PHACTR4: variants seen among roughly 807,000 people sequenced by gnomAD.
PHACTR4 encodes protein phosphatase 1, regulatory subunit 124.
PHACTR4 carries 51 observed loss-of-function variants against 72.7 expected under a neutral mutation model. The observed-to-expected ratio is 0.70, with a 90% CI of 0.56 to 0.89. PHACTR4 has a LOEUF of 0.89. Ranked by LOEUF, PHACTR4 falls within the 40% of genes least tolerant of loss-of-function variation. PHACTR4 has a pLI of 0.00. For synonymous variants in PHACTR4, 255 were observed against 302.5 expected (o/e 0.84, Z 1.63); for missense variants, 731 against 861.8 (o/e 0.85, Z 1.90).
rs147577214 is a variant in PHACTR4, at chr1:28,452,090, A to G, written c.17-6995A>G. On this transcript the variant is annotated intron_variant, in intron 2 of 13. Coordinates refer to ENST00000373839, the MANE Select transcript of PHACTR4 (RefSeq NM_001048183.3). ...GAATATACTTAAAAGAACTCTTAGAATCCAGATTACAGTTGACCTTTAAAC... is the reference window on the plus strand; with the variant it reads ...GAATATACTTAAAAGAACTCTTAGAGTCCAGATTACAGTTGACCTTTAAAC... 2.0e-5 allele frequency among the ~76,000 whole-genome samples: 3 copies of G among 152,292 alleles called. No individual in the cohort carries two copies. The East Asian group carries it at 5.8e-4, about 29-fold the overall frequency.
At chr1:28,438,080 A>G in intron 2 of PHACTR4, 5 of 994,500 alleles carry the variant, frequency 5.0e-6, no homozygotes, top group Non-Finnish European at 6.0e-6. Context: ...CAGCAGCCAG[A>G]ATGTGGTTGG....
intron 6 of PHACTR4, 80 bp downstream of exon 6, chr1:28,466,848 A>T: frequency 6.7e-7 from 1 of 1,503,204 alleles, no homozygotes; most frequent in South Asian, 1.3e-5. Flanking sequence ...CTGGTACAAC[A>T]TTGATTTGGT....
chr1:28,448,761 CAAAAA>C (rs777343479), intron 2 of PHACTR4, among the ~76,000 whole-genome samples: 1 of 20,352 alleles, frequency 4.9e-5, no homozygotes, highest in Non-Finnish European at 8.5e-5. Flanking sequence ...GACTCCATCT[CAAAAA>C]AAAAAAAAAA....
intron 1 of PHACTR4, among the ~76,000 whole-genome samples, chr1:28,405,452 G>A (rs934315503): frequency 6.6e-6 from 1 of 151,706 alleles, no homozygotes; most frequent in African/African-American, 2.4e-5. Flanking sequence ...TCAGCCTCCT[G>A]AGTAGCTGGG....
intron 2 of PHACTR4, among the ~76,000 whole-genome samples, chr1:28,440,488 C>T (rs1359216759): frequency 2.8e-5 from 4 of 144,630 alleles, no homozygotes; most frequent in African/African-American, 7.7e-5. Context: ...CTCCGCCTCC[C>T]GGGTTCACGC....
chr1:28,430,748 A>G (rs377108574), intron 2 of PHACTR4, among the ~76,000 whole-genome samples: 62 of 152,332 alleles, frequency 4.1e-4, no homozygotes, highest in South Asian at 2.9e-3. Context: ...AGTATGCTGA[A>G]TTAAGCTGAG....
chr1:28,383,603 T>A (rs1305767122), intron 1 of PHACTR4, among the ~76,000 whole-genome samples: 3 of 152,154 alleles, frequency 2.0e-5, no homozygotes, highest in African/African-American at 7.2e-5. Flanking sequence ...TTTGTGTGTG[T>A]GTGTGTAGCA....
intron 8 of PHACTR4, among the ~76,000 whole-genome samples, chr1:28,478,035 GTC>G (rs1490528168): frequency 6.6e-6 from 1 of 151,848 alleles, no homozygotes; most frequent in Admixed American, 6.6e-5. Flanking sequence ...CCATTAACCA[GTC>G]TCTCTCTCCC....
rs1485381291 is a variant in PHACTR4, at chr1:28,465,747, G to C, written c.334G>C (p.Gly112Arg). 1 of 1,613,962 alleles carries C rather than the reference G, an allele frequency of 6.2e-7. No individual in the cohort carries two copies. The highest frequency in any genetic ancestry group is 8.5e-7 in the Non-Finnish European group (1 of 1,179,986). ...AAAGAATGGCCATACCACCCCCATA[G>C]GGAATGCCAGATCATCTAGTCCAGT... is the stretch of plus-strand genomic sequence containing the variant. ...MLKNGHTTPI[G>R]NARSSSPVQV... Residue 112 changes from glycine (G) to arginine (R), a missense_variant, in exon 5 of 14, where the codon GGG becomes CGG. Physicochemically the swap from Gly to Arg is moderately radical, Grantham distance 125. Around this residue, in one of 2 missense-constraint regions of PHACTR4, gnomAD observed 621 missense variants for 676.6 expected, o/e 0.92. Coordinates refer to ENST00000373839, the MANE Select transcript of PHACTR4 (RefSeq NM_001048183.3).
Position 28,500,218 on chromosome 1 carries a change from T to C in PHACTR4, c.*3669T>C, listed in dbSNP as rs1661584042. The C allele has an allele frequency of 2.0e-5, 3 of 152,178 alleles. No individual in the cohort carries two copies. The highest frequency in any genetic ancestry group is 4.1e-4 in the South Asian group (2 of 4,830). The allele number at this position is 152,178 out of a possible 1,614,324, so 9.4% of individuals were successfully genotyped here. A position where few individuals can be genotyped will look rare whatever the true frequency, so the allele number is the denominator to read the frequency against. ...CTTATATGGAAACTCACAATCATAA[T>C]GTAAAGAAGAAATGAAAGCCTGGTG... On this transcript the variant is annotated 3_prime_UTR_variant, in exon 14 of 14. Transcript: ENST00000373839.
At chr1:28,414,408 G>A (rs193233678) in intron 2 of PHACTR4, among the ~76,000 whole-genome samples, 3 of 130,882 alleles carry the variant, frequency 2.3e-5, no homozygotes, top group East Asian at 2.1e-4. Context: ...TATTTTTTGG[G>A]GTCAGTCTTC....
At chr1:28,410,256 G>A (rs1029387520) in intron 2 of PHACTR4, among the ~76,000 whole-genome samples, 4 of 120,644 alleles carry the variant, frequency 3.3e-5, no homozygotes, top group African/African-American at 5.2e-5. Context: ...GTGAGCCACC[G>A]TGCCCAGCCA....
At chr1:28,386,330 G>A (rs1205121445) in intron 1 of PHACTR4, among the ~76,000 whole-genome samples, 1 of 152,052 alleles carries the variant, frequency 6.6e-6, no homozygotes, top group Non-Finnish European at 1.5e-5. Flanking sequence ...CTGACCTCAA[G>A]TGATCTGCCT....
intron 2 of PHACTR4, among the ~76,000 whole-genome samples, chr1:28,419,830 T>A (rs972702177): frequency 2.0e-5 from 3 of 152,170 alleles, no homozygotes; most frequent in Non-Finnish European, 4.4e-5. Flanking sequence ...TAAGACACAT[T>A]TTATAAAGTA....
At chr1:28,417,441 C>T (rs1264500308) in intron 2 of PHACTR4, among the ~76,000 whole-genome samples, 1 of 152,118 alleles carries the variant, frequency 6.6e-6, no homozygotes, top group East Asian at 1.9e-4. Context: ...ACAAAGATTA[C>T]TTGAACACAA....
At chr1:28,476,073 C>A in intron 7 of PHACTR4, 34 bp from the exon 8 acceptor site, 1 of 1,560,522 alleles carries the variant, frequency 6.4e-7, no homozygotes, top group South Asian at 1.2e-5. Flanking sequence ...CTCTTCATTT[C>A]TAAAAGGAAA....
chr1:28,379,026 C>T (rs1023622876), intron 1 of PHACTR4, among the ~76,000 whole-genome samples: 1 of 152,110 alleles, frequency 6.6e-6, no homozygotes, highest in Admixed American at 6.6e-5. Flanking sequence ...AGTCATGGCT[C>T]ACTGCAGCCT....
rs142555864 is a variant in PHACTR4, at chr1:28,465,334, C to G, written c.272-351C>G. 2.0e-5 allele frequency among the ~76,000 whole-genome samples: 3 copies of G among 152,130 alleles called. No individual in the cohort carries two copies. The East Asian group carries it at 5.8e-4, about 30-fold the overall frequency. On this transcript the variant is annotated intron_variant, in intron 4 of 13. Transcript: ENST00000373839. The stretch of plus-strand genomic sequence containing the variant: ...AAAATTAGTCGGGCGTGGTGGCAGG[C>G]GTCTAGTCCCAGATACTCAGGAGGC...
At chr1:28,494,999 A>G (rs935966111) in intron 13 of PHACTR4, among the ~76,000 whole-genome samples, 1 of 152,228 alleles carries the variant, frequency 6.6e-6, no homozygotes, top group African/African-American at 2.4e-5. Context: ...GATAGTGAGA[A>G]TGCAAAGGTG....
Sources: allele counts gnomAD v4.1 joint callset (sites outside exome capture counted in the v4.1 genomes callset), GRCh38; gene constraint gnomAD v4.1.1; regional missense constraint gnomAD v4.1.1; transcripts MANE v1.5; gene names NCBI Gene and HGNC (gene_info 2026-07-23, HGNC 2026-07-21).